Variants in LRRC7 observed in about 807,000 individuals in gnomAD.
The protein encoded by LRRC7 is leucine-rich repeat-containing protein 7.
A neutral mutation model predicts 175.7 loss-of-function variants in LRRC7; 23 were observed. The ratio of observed to expected loss-of-function variants is 0.13; its 90% CI spans 0.09 to 0.19. LRRC7 has a LOEUF of 0.19. Ranked by LOEUF, LRRC7 falls within the 10% of genes least tolerant of loss-of-function variation. LRRC7 has a pLI of 1.00. For missense variants in LRRC7, 1,354 were observed against 1,904.7 expected, an observed-to-expected ratio of 0.71 and a Z score of 5.38; for synonymous variants, 685 against 680.9, an observed-to-expected ratio of 1.01 and a Z score of -0.09.
In LRRC7 at chr1:69,568,600, A is replaced by G. The variant is rs1214920895; in HGVS notation, c.-40A>G. 1 of 1,350,186 alleles carries G rather than the reference A, an allele frequency of 7.4e-7. No homozygotes were observed. Among genetic ancestry groups the G allele is most frequent in the Admixed American group, 2.0e-5 (1 of 50,822 alleles). The allele number at this position is 1,350,186 out of a possible 1,614,324, so 83.6% of individuals were successfully genotyped here. Reference sequence around the variant, plus strand: ...AATAACCCTTGGCAGCTGCACGACTACGCTCTCCGAAACCTCATGGGCAGT... The same window carrying G: ...AATAACCCTTGGCAGCTGCACGACTGCGCTCTCCGAAACCTCATGGGCAGT... On this transcript the variant is annotated 5_prime_UTR_variant, in exon 1 of 27. Coordinates refer to ENST00000651989, the MANE Select transcript of LRRC7 (RefSeq NM_001370785.2).
intron 15 of LRRC7, 119 bp downstream of exon 15, chr1:70,018,937 C>T (rs755587817): frequency 9.3e-5 from 58 of 626,844 alleles, no homozygotes; most frequent in Middle Eastern, 8.1e-4. Context: ...AAGATAATTA[C>T]ATGACACACA....
At chr1:69,796,884 G>A (rs565046891) in intron 4 of LRRC7, among the ~76,000 whole-genome samples, 23 of 152,004 alleles carry the variant, frequency 1.5e-4, no homozygotes, top group African/African-American at 5.3e-4. Flanking sequence ...TATACATAAG[G>A]AGAATTAATT....
Position 69,834,811 on chromosome 1 carries a change from C to T in LRRC7, c.532C>T (p.Leu178=). ...TGATGGCTTCACACAGCTCCTAAAC[C>T]TGACCCAGCTCTACCTGAATGACGC... ...LPDGFTQLLN[L]TQLYLNDAFL... Residue 178 remains leucine, a synonymous_variant, in exon 6 of 27, where the codon CTG becomes TTG. Coordinates refer to ENST00000651989, the MANE Select transcript of LRRC7 (RefSeq NM_001370785.2). The T allele has an allele frequency of 6.2e-7, 1 of 1,613,316 alleles. No individual in the cohort carries two copies. The highest frequency in any genetic ancestry group is 8.5e-7 in the Non-Finnish European group (1 of 1,179,470).
chr1:69,909,127 T>A (rs1012802952), intron 7 of LRRC7, among the ~76,000 whole-genome samples: 9 of 152,100 alleles, frequency 5.9e-5, no homozygotes, highest in Non-Finnish European at 1.3e-4. Flanking sequence ...GTTTGGTAGA[T>A]CTTCCTCCAT....
At chr1:69,618,589 A>G (rs1388484403) in intron 1 of LRRC7, among the ~76,000 whole-genome samples, 4 of 152,156 alleles carry the variant, frequency 2.6e-5, no homozygotes, top group African/African-American at 9.7e-5. Flanking sequence ...CAAGAAGCCT[A>G]CAAGTAGTTG....
At chr1:69,879,986 AAC>A (rs956701848) in intron 7 of LRRC7, 4 of 152,144 alleles carry the variant, frequency 2.6e-5, no homozygotes, top group African/African-American at 9.7e-5. Flanking sequence ...CCACCCATAA[AAC>A]TAAGACTCTA....
At chr1:69,860,205 A>G (rs1021754156) in intron 7 of LRRC7, among the ~76,000 whole-genome samples, 10 of 151,854 alleles carry the variant, frequency 6.6e-5, no homozygotes, top group African/African-American at 2.4e-4. Context: ...CTGGCATTGT[A>G]TTTTTTGTTT....
At chr1:69,622,381 A>C (rs946828106) in intron 1 of LRRC7, among the ~76,000 whole-genome samples, 2 of 152,174 alleles carry the variant, frequency 1.3e-5, no homozygotes, top group Non-Finnish European at 2.9e-5. Flanking sequence ...CATTTCCTAC[A>C]TGCTAATCTA....
At chr1:69,713,081 C>T (rs1392581480) in intron 2 of LRRC7, among the ~76,000 whole-genome samples, 13 of 152,126 alleles carry the variant, frequency 8.5e-5, no homozygotes, top group Admixed American at 5.9e-4. Flanking sequence ...TAAGATATCA[C>T]TTTCATGGAT....
chr1:69,891,310 G>A (rs1645825673), intron 7 of LRRC7, among the ~76,000 whole-genome samples: 1 of 152,312 alleles, frequency 6.6e-6, no homozygotes, highest in East Asian at 1.9e-4. Flanking sequence ...CCAAGGAGAG[G>A]GAGAGAGGAA....
At chr1:69,630,947 G>A (rs1202622421) in intron 1 of LRRC7, among the ~76,000 whole-genome samples, 1 of 151,754 alleles carries the variant, frequency 6.6e-6, no homozygotes, top group African/African-American at 2.4e-5. Context: ...TCTTCTTTTT[G>A]GCTTTTGGGT....
chr1:69,713,638 G>T (rs2100743209), intron 2 of LRRC7, among the ~76,000 whole-genome samples: 1 of 151,980 alleles, frequency 6.6e-6, no homozygotes, highest in South Asian at 2.1e-4. Flanking sequence ...ACATCAAATG[G>T]TATTTAATCA....
chr1:69,677,173 C>T (rs147799018), intron 1 of LRRC7, among the ~76,000 whole-genome samples: 1,932 of 134,812 alleles, frequency 0.014, 24 homozygotes, highest in Non-Finnish European at 0.023. Context: ...TATATATGAG[C>T]GTGTGTATAT....
chr1:70,103,699 A>G (rs1374882780), intron 25 of LRRC7, among the ~76,000 whole-genome samples: 1 of 152,228 alleles, frequency 6.6e-6, no homozygotes, highest in Non-Finnish European at 1.5e-5. Context: ...TTACAGCAAC[A>G]GTAGAAAACT....
chr1:70,109,307 C>A (rs1665361925), intron 26 of LRRC7, among the ~76,000 whole-genome samples: 1 of 152,160 alleles, frequency 6.6e-6, no homozygotes, highest in Non-Finnish European at 1.5e-5. Flanking sequence ...CAGACATGAG[C>A]CACTGCGCCC....
intron 8 of LRRC7, among the ~76,000 whole-genome samples, chr1:69,957,290 A>G (rs568995732): frequency 6.6e-6 from 1 of 151,900 alleles, no homozygotes; most frequent in African/African-American, 2.4e-5. Flanking sequence ...TCTACCAAAC[A>G]CACAACCAAA....
Position 70,036,463 on chromosome 1 carries a change from A to G in LRRC7, c.2127A>G (p.Glu709=), listed in dbSNP as rs1046049144. 6.2e-7 allele frequency: 1 copy of G among 1,613,160 alleles called. No individual in the cohort carries two copies. The highest frequency in any genetic ancestry group is 1.3e-5 in the African/African-American group (1 of 75,024). ...KDKKESTDES[E]VDKTHCLNNS... Reference sequence around the variant, plus strand: ...TTTCAGAATCAACTGATGAGTCTGAAGTTGACAAAACTCACTGTCTGAATA... The same window carrying G: ...TTTCAGAATCAACTGATGAGTCTGAGGTTGACAAAACTCACTGTCTGAATA... The change falls in exon 20 of 27, where the codon GAA becomes GAG. Residue 709 remains glutamate (E), a synonymous_variant. Transcript: ENST00000651989.
intron 16 of LRRC7, 151 bp from the exon 17 acceptor site, chr1:70,022,974 GT>G (rs1486386392): frequency 3.1e-6 from 3 of 959,928 alleles, no homozygotes; most frequent in Admixed American, 3.3e-5. Context: ...AATTAGTACT[GT>G]TTTATACATG....
At chr1:69,675,828 G>A (rs1393719864) in intron 1 of LRRC7, among the ~76,000 whole-genome samples, 1 of 151,916 alleles carries the variant, frequency 6.6e-6, no homozygotes, top group Non-Finnish European at 1.5e-5. Flanking sequence ...AGCAATTTAT[G>A]TCTTCAATTC....
Sources: allele counts gnomAD v4.1 joint callset (sites outside exome capture counted in the v4.1 genomes callset), GRCh38; gene constraint gnomAD v4.1.1; transcripts MANE v1.5; gene names NCBI Gene and HGNC (gene_info 2026-07-23, HGNC 2026-07-21).